The following PRKCE variants were observed in gnomAD, a reference collection of about 807,000 sequenced individuals.
The protein encoded by PRKCE is protein kinase C epsilon.
In PRKCE, 16 loss-of-function variants were observed where a neutral mutation model predicts 85.4. That is an observed-to-expected ratio of 0.19 (90% CI 0.13 to 0.28). The LOEUF (loss-of-function observed/expected upper bound fraction) is 0.28. Among genes scored for constraint, PRKCE ranks in the 10% least tolerant of loss-of-function variants. The pLI, the probability that PRKCE is intolerant of heterozygous loss-of-function variation, is 1.00. For synonymous variants in PRKCE, 388 were observed against 371.5 expected (o/e 1.04, Z -0.51); for missense variants, 573 against 975.2 (o/e 0.59, Z 5.49).
At chr2:45,778,303 C>G (rs893392497) in intron 1 of PRKCE, among the ~76,000 whole-genome samples, 2 of 152,114 alleles carry the variant, frequency 1.3e-5, no homozygotes, top group African/African-American at 4.8e-5. Flanking sequence ...ATCCAGGAGG[C>G]TTTTATCTTC....
intron 11 of PRKCE, among the ~76,000 whole-genome samples, chr2:46,130,736 T>G (rs1479555086): frequency 6.6e-6 from 1 of 152,232 alleles, no homozygotes; most frequent in Non-Finnish European, 1.5e-5. Flanking sequence ...GCTGGCCAGC[T>G]AACCTACCCA....
Position 45,971,312 on chromosome 2 carries a change from C to T in PRKCE, c.413-5117C>T, listed in dbSNP as rs74414081. Among the ~76,000 whole-genome samples, 5 of 152,332 alleles carry T rather than the reference C, an allele frequency of 3.3e-5. No individual in the cohort carries two copies. In the East Asian group the frequency reaches 7.7e-4, roughly 24 times the overall value. The stretch of plus-strand genomic sequence containing the variant: ...TTGTTTCACTTAGCCAATATCCTCC[C>T]ATGCATGTTACCCCAAATGGCAGGA... On this transcript the variant is annotated intron_variant, in intron 2 of 14. Coordinates refer to ENST00000306156, the MANE Select transcript of PRKCE (RefSeq NM_005400.3).
intron 11 of PRKCE, among the ~76,000 whole-genome samples, chr2:46,126,625 A>T (rs1303230955): frequency 6.6e-6 from 1 of 152,190 alleles, no homozygotes; most frequent in African/African-American, 2.4e-5. Flanking sequence ...TTCCCATTTG[A>T]ATATCAGATT....
intron 1 of PRKCE, among the ~76,000 whole-genome samples, chr2:45,732,113 T>C (rs1282463017): frequency 1.3e-5 from 2 of 152,156 alleles, no homozygotes; most frequent in Admixed American, 6.5e-5. Context: ...TTATCAGTCA[T>C]GTGAACCTCA....
intron 10 of PRKCE, among the ~76,000 whole-genome samples, chr2:46,072,040 G>A (rs1272998300): frequency 6.6e-6 from 1 of 152,144 alleles, no homozygotes; most frequent in African/African-American, 2.4e-5. Context: ...AGAAGACCCC[G>A]CGCTATTATA....
intron 1 of PRKCE, among the ~76,000 whole-genome samples, chr2:45,779,760 C>T (rs1290653385): frequency 1.3e-5 from 2 of 152,044 alleles, no homozygotes; most frequent in Non-Finnish European, 2.9e-5. Context: ...TTAATACATG[C>T]ATATGTAGTG....
intron 10 of PRKCE, among the ~76,000 whole-genome samples, chr2:46,081,025 C>T (rs1052675718): frequency 3.3e-5 from 5 of 151,134 alleles, no homozygotes; most frequent in Non-Finnish European, 5.9e-5. Flanking sequence ...AGGGTTTCAC[C>T]GTGTTGCCCA....
At position 46,010,471 on chromosome 2, in the gene PRKCE, G is replaced by A. The variant is rs373332822; in HGVS notation, c.1391G>A (p.Arg464Gln). The A allele has an allele frequency of 2.2e-5, 35 of 1,599,522 alleles. No homozygotes were observed. Among genetic ancestry groups the A allele is most frequent in the Middle Eastern group, 1.6e-4 (1 of 6,082 alleles). ...GAGAAGAGGATTTTGGCTCTGGCAC[G>A]GAAACACCCGTACCTTACCCAACTC... ...MTEKRILALA[R>Q]KHPYLTQLYC... Residue 464 changes from arginine to glutamine, a missense_variant, in exon 10 of 15, where the codon CGG (arginine) becomes CAG (glutamine). Around this residue, in one of 11 missense-constraint regions of PRKCE, gnomAD observed 89 missense variants for 154.1 expected, o/e 0.58. Transcript: ENST00000306156.
chr2:46,089,353 C>T lies in PRKCE; in HGVS notation c.1592+2991C>T, dbSNP rs114915231. On this transcript the variant is annotated intron_variant, in intron 11 of 14. Transcript: ENST00000306156. ...AGATCTCTTCCGTTAAACCTCTCCC[C>T]ATCAATGTTGGACCTTCCCAGCCTT... is the stretch of plus-strand genomic sequence containing the variant. Among the ~76,000 whole-genome samples, 531 of 152,308 alleles carry T rather than the reference C, an allele frequency of 3.5e-3. 4 individuals carry two copies. Among genetic ancestry groups the T allele is most frequent in the African/African-American group, 0.012 (501 of 41,560 alleles).
chr2:45,982,548 AT>A (rs1001775678), intron 5 of PRKCE, among the ~76,000 whole-genome samples: 6 of 150,434 alleles, frequency 4.0e-5, no homozygotes, highest in East Asian at 1.9e-4. Context: ...CTGGTGTCAC[AT>A]TTTTTTTTCT....
chr2:45,819,841 T>A (rs190742077), intron 1 of PRKCE, among the ~76,000 whole-genome samples: 65 of 152,240 alleles, frequency 4.3e-4, no homozygotes, highest in Admixed American at 3.6e-3. Flanking sequence ...TCTGGGTAAA[T>A]GAAGAACAAT....
At chr2:45,661,819 G>A (rs989255069) in intron 1 of PRKCE, among the ~76,000 whole-genome samples, 12 of 151,926 alleles carry the variant, frequency 7.9e-5, no homozygotes, top group African/African-American at 1.7e-4. Flanking sequence ...AATTACAGGC[G>A]TGAGCTACTG....
At chr2:46,027,734 T>C (rs1358699899) in intron 10 of PRKCE, among the ~76,000 whole-genome samples, 1 of 152,200 alleles carries the variant, frequency 6.6e-6, no homozygotes, top group Non-Finnish European at 1.5e-5. Context: ...GATTTTCCTG[T>C]TCTTTTGGCA....
chr2:46,045,460 G>A (rs1708464221), intron 10 of PRKCE, among the ~76,000 whole-genome samples: 1 of 152,228 alleles, frequency 6.6e-6, no homozygotes, highest in Non-Finnish European at 1.5e-5. Flanking sequence ...TCATGGGTTG[G>A]TGGAGATGTT....
At chr2:46,070,547 G>A (rs1574390564) in intron 10 of PRKCE, among the ~76,000 whole-genome samples, 1 of 152,268 alleles carries the variant, frequency 6.6e-6, no homozygotes. Flanking sequence ...GGAGGCTGAG[G>A]CAGGAGAATC....
intron 1 of PRKCE, among the ~76,000 whole-genome samples, chr2:45,836,604 T>C (rs566444039): frequency 6.6e-6 from 1 of 152,170 alleles, no homozygotes; most frequent in Non-Finnish European, 1.5e-5. Flanking sequence ...GTAGTGTGCC[T>C]GCGGTGCCTC....
chr2:45,957,785 TC>T (rs1244672488), intron 2 of PRKCE, among the ~76,000 whole-genome samples: 2 of 151,918 alleles, frequency 1.3e-5, no homozygotes, highest in African/African-American at 2.4e-5. Flanking sequence ...GGTGGCACAC[TC>T]CTGTAGCCCC....
intron 1 of PRKCE, among the ~76,000 whole-genome samples, chr2:45,831,432 G>A (rs1221094146): frequency 1.3e-5 from 2 of 152,200 alleles, no homozygotes; most frequent in Non-Finnish European, 2.9e-5. Flanking sequence ...AGAGGATGGG[G>A]AATGCTGGAA....
At chr2:45,667,701 G>T (rs934821698) in intron 1 of PRKCE, among the ~76,000 whole-genome samples, 3 of 151,766 alleles carry the variant, frequency 2.0e-5, no homozygotes, top group Non-Finnish European at 4.4e-5. Flanking sequence ...GCAGTTTTAG[G>T]TTTATAAAAA....
Sources: gnomAD v4.1 joint callset for allele counts (sites outside exome capture counted in the v4.1 genomes callset) on GRCh38, gnomAD v4.1.1 for gene constraint, gnomAD v4.1.1 regional missense constraint, MANE v1.5 for transcripts, NCBI Gene and HGNC (gene_info 2026-07-23, HGNC 2026-07-21) for gene names.